Variants in LY6G5C observed in about 807,000 individuals in gnomAD.
The protein encoded by LY6G5C is lymphocyte antigen 6 complex locus protein G5c.
In LY6G5C, 6 loss-of-function variants were observed where a neutral mutation model predicts 10.5. The observed-to-expected ratio is 0.57, with a 90% confidence interval of 0.31 to 1.12. LY6G5C has a LOEUF of 1.12. LY6G5C is among the 50% of genes most tolerant of loss of function. The probability of loss-of-function intolerance (pLI) is 0.05; values close to 1 mark genes in which losing one functional copy is unlikely to be tolerated. For synonymous variants in LY6G5C, 69 were observed against 67.8 expected, an observed-to-expected ratio of 1.02 and a Z score of -0.09; for missense variants, 160 against 185.5, an observed-to-expected ratio of 0.86 and a Z score of 0.80.
In LY6G5C at chr6:31,679,072, T is replaced by G. The variant is rs1407071538; in HGVS notation, c.289+29A>C. On this transcript the variant is annotated intron_variant, in intron 2 of 2. Transcript: ENST00000383237. The surrounding 1 kb of genome is among the most constrained non-coding windows in gnomAD (Gnocchi z 4.4). Reference sequence around the variant, plus strand: ...AGAGAGTTTCCGTTTGGGAGAGTGCTGGGCCCATGACAGGAGAAGGCCACT... The same window carrying G: ...AGAGAGTTTCCGTTTGGGAGAGTGCGGGGCCCATGACAGGAGAAGGCCACT... 6.2e-7 allele frequency: 1 copy of G among 1,611,756 alleles called. No individual in the cohort carries two copies. The highest frequency in any genetic ancestry group is 1.1e-5 in the South Asian group (1 of 91,054).
chr6:31,679,633 A>C lies in LY6G5C; in HGVS notation c.122-365T>G. On this transcript the variant is annotated intron_variant, in intron 1 of 2. Transcript: ENST00000383237. This position sits in a 1 kb window ranked among gnomAD's most constrained non-coding sequence, Gnocchi z 4.4. ...CTATCCTGTGGATTCTGGTTTTCTC[A>C]TCCAGCACACTCCCTAACCCTCCCT... The C allele has an allele frequency of 3.0e-6, 1 of 332,592 alleles. No individual in the cohort carries two copies. The highest frequency in any genetic ancestry group is 5.7e-6 in the Non-Finnish European group (1 of 175,816). The allele number at this position is 332,592 out of a possible 1,614,324, so 20.6% of individuals were successfully genotyped here.
Position 31,679,069 on chromosome 6 carries a change from T to A in LY6G5C, c.289+32A>T, listed in dbSNP as rs1173247920. ...CTGAGAGAGTTTCCGTTTGGGAGAGTGCTGGGCCCATGACAGGAGAAGGCC... is the reference window on the plus strand; with the variant it reads ...CTGAGAGAGTTTCCGTTTGGGAGAGAGCTGGGCCCATGACAGGAGAAGGCC... On this transcript the variant is annotated intron_variant, in intron 2 of 2. Transcript: ENST00000383237. This position sits in a 1 kb window ranked among gnomAD's most constrained non-coding sequence, Gnocchi z 4.4. 1.6e-5 allele frequency: 25 copies of A among 1,609,944 alleles called. No individual in the cohort carries two copies. The South Asian group carries it at 2.3e-4, about 15-fold the overall frequency.
In LY6G5C at chr6:31,679,040, G is replaced by T. The variant is rs924082551; in HGVS notation, c.289+61C>A. 6.5e-6 allele frequency: 10 copies of T among 1,546,488 alleles called. No homozygotes were observed. In the African/African-American group the frequency reaches 1.4e-4, roughly 21 times the overall value. On this transcript the variant is annotated intron_variant, in intron 2 of 2. Transcript: ENST00000383237. The surrounding 1 kb of genome is among the most constrained non-coding windows in gnomAD (Gnocchi z 4.4). ...GAACAAGACTTGGGGTGCAGCTTAG[G>T]AGGCTGAGAGAGTTTCCGTTTGGGA... is the stretch of plus-strand genomic sequence containing the variant.
upstream of LY6G5C, chr6:31,680,443 G>T: frequency 6.6e-7 from 1 of 1,523,782 alleles, no homozygotes; most frequent in Non-Finnish European, 8.9e-7. The surrounding 1 kb of genome is among the most constrained non-coding windows in gnomAD (Gnocchi z 4.5). Flanking sequence ...AAGGAGAGAG[G>T]CAACACCAGC....
rs1422233507 is a variant in LY6G5C at position 31,680,111 on chromosome 6, T to C, written c.121+142A>G. ...TTGCACATCAGTCCATGAGCAGGCATTCCCTACCAAACCCATCTGTCCCAT... is the reference window on the plus strand; with the variant it reads ...TTGCACATCAGTCCATGAGCAGGCACTCCCTACCAAACCCATCTGTCCCAT... On this transcript the variant is annotated intron_variant, in intron 1 of 2. Coordinates refer to ENST00000383237, the Ensembl canonical transcript of LY6G5C. This position sits in a 1 kb window ranked among gnomAD's most constrained non-coding sequence, Gnocchi z 4.5. The C allele has an allele frequency of 4.5e-6, 4 of 886,484 alleles. No individual in the cohort carries two copies. In the African/African-American group the frequency reaches 5.0e-5, roughly 11 times the overall value. 54.9% of individuals were successfully genotyped at this position (886,484 alleles called of 1,614,324 possible). A position where few individuals can be genotyped will look rare whatever the true frequency, so the allele number is the denominator to read the frequency against.
intron 2 of LY6G5C, 68 bp from the exon 3 acceptor site, chr6:31,677,188 C>G: frequency 2.7e-6 from 4 of 1,473,456 alleles, no homozygotes; most frequent in Non-Finnish European, 3.7e-6. Context: ...CTCTCATCCC[C>G]ACACTCATAA....
At position 31,680,331 on chromosome 6, in the gene LY6G5C, G is replaced by C. The variant is rs780218732; in HGVS notation, c.43C>G (p.Pro15Ala). ...TGGGGGCTGCTGTGGAAGCACAGGG[G>C]ACCCAGACTCTGGCTCCCTGCAGGG... is the stretch of plus-strand genomic sequence containing the variant. Residue 15 changes from proline (P) to alanine (A), a missense_variant, in exon 1 of 3, where the codon CCC (proline) becomes GCC (alanine). Physicochemically the swap from Pro to Ala is conservative, Grantham distance 27. Coordinates refer to ENST00000383237, the Ensembl canonical transcript of LY6G5C. The surrounding 1 kb of genome is among the most constrained non-coding windows in gnomAD (Gnocchi z 4.5). The C allele has an allele frequency of 1.9e-6, 3 of 1,609,756 alleles. No homozygotes were observed. The African/African-American group carries it at 4.0e-5, about 22-fold the overall frequency.
In LY6G5C at chr6:31,680,153, GT is replaced by G. The variant is rs1342602056; in HGVS notation, c.121+99del. ...CTGTCCCATCTCTCCTCCTGCATGGGTTTACCTGAGCATCCTGGACAGGTGT... is the reference window on the plus strand; with the variant it reads ...CTGTCCCATCTCTCCTCCTGCATGGGTTACCTGAGCATCCTGGACAGGTGT... On this transcript the variant is annotated intron_variant, in intron 1 of 2. Coordinates refer to ENST00000383237, the Ensembl canonical transcript of LY6G5C. This position sits in a 1 kb window ranked among gnomAD's most constrained non-coding sequence, Gnocchi z 4.5. The G allele has an allele frequency of 6.8e-7, 1 of 1,463,158 alleles. No homozygotes were observed. The highest frequency in any genetic ancestry group is 9.5e-7 in the Non-Finnish European group (1 of 1,050,366). The allele number at this position is 1,463,158 out of a possible 1,614,324, so 90.6% of individuals were successfully genotyped here. A position where few individuals can be genotyped will look rare whatever the true frequency, so the allele number is the denominator to read the frequency against.
In LY6G5C at chr6:31,676,843, G is replaced by A. The variant is rs1035843450; in HGVS notation, c.*114C>T. 1.4e-5 allele frequency: 14 copies of A among 1,004,270 alleles called. No homozygotes were observed. The African/African-American group carries it at 1.8e-4, about 13-fold the overall frequency. The allele number at this position is 1,004,270 out of a possible 1,614,324, so 62.2% of individuals were successfully genotyped here. On this transcript the variant is annotated 3_prime_UTR_variant, in exon 3 of 3. Coordinates refer to ENST00000383237, the Ensembl canonical transcript of LY6G5C. ...CCAAGGCTGGGGTCCAGTGGCTGGA[G>A]GGAGGCAAGGAGGGCTGGTATGAGG...
chr6:31,679,312 C>T lies in LY6G5C; in HGVS notation c.122-44G>A. 1 of 1,608,152 alleles carries T rather than the reference C, an allele frequency of 6.2e-7. No homozygotes were observed. The highest frequency in any genetic ancestry group is 8.5e-7 in the Non-Finnish European group (1 of 1,175,558). ...CTGACCCCACTCACACCCCATTCTACCTCACACCCTACCACTGCCTGATTC... is the reference window on the plus strand; with the variant it reads ...CTGACCCCACTCACACCCCATTCTATCTCACACCCTACCACTGCCTGATTC... On this transcript the variant is annotated intron_variant, in intron 1 of 2. Coordinates refer to ENST00000383237, the Ensembl canonical transcript of LY6G5C. The surrounding 1 kb of genome is among the most constrained non-coding windows in gnomAD (Gnocchi z 4.4).
chr6:31,679,434 C>T lies in LY6G5C; in HGVS notation c.122-166G>A. On this transcript the variant is annotated intron_variant, in intron 1 of 2. Transcript: ENST00000383237. This position sits in a 1 kb window ranked among gnomAD's most constrained non-coding sequence, Gnocchi z 4.4. ...CTTCCCCAACTGCATACACATACAT[C>T]CCCCTTTTCCTCTGGTCCTAAGGCC... The T allele has an allele frequency of 1.0e-5, 7 of 698,974 alleles. No homozygotes were observed. Among genetic ancestry groups the T allele is most frequent in the South Asian group, 5.3e-5 (3 of 56,956 alleles). 43.3% of individuals were successfully genotyped at this position (698,974 alleles called of 1,614,324 possible).
intron 2 of LY6G5C, among the ~76,000 whole-genome samples, chr6:31,678,378 C>A (rs1802694236): frequency 6.6e-6 from 1 of 152,156 alleles, no homozygotes; most frequent in Admixed American, 6.5e-5. Context: ...ATAAAATCCT[C>A]TGCTTTTGAG....
intron 2 of LY6G5C, among the ~76,000 whole-genome samples, chr6:31,678,300 C>T (rs1802690587): frequency 6.6e-6 from 1 of 152,112 alleles, no homozygotes; most frequent in South Asian, 2.1e-4. Context: ...ATGAGGAGAG[C>T]GGTTTGACAT....
In LY6G5C at chr6:31,680,096, G is replaced by A. The variant is rs570710655; in HGVS notation, c.121+157C>T. 4.0e-6 allele frequency: 3 copies of A among 757,586 alleles called. No individual in the cohort carries two copies. In the Admixed American group the frequency reaches 6.6e-5, roughly 17 times the overall value. 46.9% of individuals were successfully genotyped at this position (757,586 alleles called of 1,614,324 possible). ...TTAAAAATCTTCAGATTGCACATCA[G>A]TCCATGAGCAGGCATTCCCTACCAA... On this transcript the variant is annotated intron_variant, in intron 1 of 2. Coordinates refer to ENST00000383237, the Ensembl canonical transcript of LY6G5C. This position sits in a 1 kb window ranked among gnomAD's most constrained non-coding sequence, Gnocchi z 4.5.
chr6:31,676,959 A>G lies in LY6G5C; in HGVS notation c.451T>C (p.Ter151GlnextTer52), dbSNP rs1414964666. 3 of 1,612,496 alleles carry G rather than the reference A, an allele frequency of 1.9e-6. No homozygotes were observed. In the South Asian group the frequency reaches 3.3e-5, roughly 18 times the overall value. The change falls in exon 3 of 3, where the codon TAG becomes CAG. Residue 151 changes from the stop codon to glutamine, a stop_lost. Transcript: ENST00000383237. ...CACCAAAGTTTGCTGCAGTCACACT[A>G]AGGAGTATAGAGCCCTCTGTTTTGA...
In LY6G5C at chr6:31,679,397, A is replaced by G. The variant is rs1387886407; in HGVS notation, c.122-129T>C. On this transcript the variant is annotated intron_variant, in intron 1 of 2. Coordinates refer to ENST00000383237, the Ensembl canonical transcript of LY6G5C. The surrounding 1 kb of genome is among the most constrained non-coding windows in gnomAD (Gnocchi z 4.4). Reference sequence around the variant, plus strand: ...GTCTCAGAAAACCATCAAAGCCCCAATTCTCTGCTTCCTTCCCCAACTGCA... The same window carrying G: ...GTCTCAGAAAACCATCAAAGCCCCAGTTCTCTGCTTCCTTCCCCAACTGCA... 15 of 995,952 alleles carry G rather than the reference A, an allele frequency of 1.5e-5. No homozygotes were observed. Among genetic ancestry groups the G allele is most frequent in the Non-Finnish European group, 2.0e-5 (13 of 647,994 alleles). The allele number at this position is 995,952 out of a possible 1,614,324, so 61.7% of individuals were successfully genotyped here.
In LY6G5C at chr6:31,679,150, G is replaced by C; in HGVS notation, c.240C>G (p.Ile80Met). ...AGCTGCTGCCAGCTGGGGTGAGGCA[G>C]ATGTCAGATCCCAGAAGGCACCCTA... is the stretch of plus-strand genomic sequence containing the variant. Residue 80 changes from isoleucine (I) to methionine (M), a missense_variant, in exon 2 of 3, where the codon ATC (isoleucine) becomes ATG (methionine). Physicochemically the swap from Ile to Met is conservative, Grantham distance 10. Coordinates refer to ENST00000383237, the Ensembl canonical transcript of LY6G5C. The surrounding 1 kb of genome is among the most constrained non-coding windows in gnomAD (Gnocchi z 4.4). The C allele has an allele frequency of 6.2e-7, 1 of 1,613,036 alleles. No individual in the cohort carries two copies. The highest frequency in any genetic ancestry group is 1.7e-5 in the Admixed American group (1 of 60,018).
Position 31,677,033 on chromosome 6 carries a change from C to CCAGA in LY6G5C, c.373_376dup (p.Gly126ValfsTer17), listed in dbSNP as rs1450124100. The CCAGA allele has an allele frequency of 6.2e-7, 1 of 1,612,964 alleles. No homozygotes were observed. The highest frequency in any genetic ancestry group is 2.2e-5 in the East Asian group (1 of 44,886). On this transcript the variant is annotated frameshift_variant, in exon 3 of 3. Transcript: ENST00000383237. LOFTEE classifies it low-confidence loss of function (END_TRUNC). ...GCAGTATTGAGAGAATATCCAGAAG[C>CCAGA]CAGACACCGGAGAAGTTCGGGTATT... is the stretch of plus-strand genomic sequence containing the variant.
intron 2 of LY6G5C, 122 bp downstream of exon 2, chr6:31,678,979 A>AAG (rs1554178789): frequency 2.4e-5 from 27 of 1,139,602 alleles, no homozygotes; most frequent in South Asian, 1.3e-4. Flanking sequence ...CAAAAAAAAA[A>AAG]AGACAGGATT....
Sources: gnomAD v4.1 joint callset for allele counts (sites outside exome capture counted in the v4.1 genomes callset) on GRCh38, gnomAD v4.1.1 for gene constraint, Gnocchi (gnomAD v3.1) non-coding constraint, MANE v1.5 for transcripts, NCBI Gene and HGNC (gene_info 2026-07-23, HGNC 2026-07-21) for gene names.